Variants in MYO16 observed in about 807,000 individuals in gnomAD.
MYO16 encodes the protein myosin XVI, also known as unconventional myosin-XVI.
MYO16 carries 94 observed loss-of-function variants against 205.3 expected under a neutral mutation model. The observed-to-expected ratio is 0.46, with a 90% CI of 0.39 to 0.54. The LOEUF (loss-of-function observed/expected upper bound fraction) is 0.54. Among genes scored for constraint, MYO16 ranks in the 20% least tolerant of loss-of-function variants. The pLI, the probability that MYO16 is intolerant of heterozygous loss-of-function variation, is 0.00. For missense variants in MYO16, 2,315 were observed against 2,387.5 expected (o/e 0.97, Z 0.63); for synonymous variants, 988 against 954.0 (o/e 1.04, Z -0.66).
intron 20 of MYO16, among the ~76,000 whole-genome samples, chr13:108,991,212 C>A (rs1465610249): frequency 3.9e-5 from 6 of 152,148 alleles, no homozygotes; most frequent in African/African-American, 1.4e-4. Flanking sequence ...TCCCTGCCTT[C>A]CATGTAACCC....
At chr13:109,002,015 C>T (rs1434000976) in intron 21 of MYO16, among the ~76,000 whole-genome samples, 2 of 152,076 alleles carry the variant, frequency 1.3e-5, no homozygotes, top group Non-Finnish European at 2.9e-5. Flanking sequence ...TTAGTTGATG[C>T]ATAGTGCATT....
chr13:108,633,454 G>A (rs1594160529), intron 1 of MYO16, among the ~76,000 whole-genome samples: 1 of 152,332 alleles, frequency 6.6e-6, no homozygotes, highest in Non-Finnish European at 1.5e-5. Context: ...TCCAGCATGA[G>A]AGAAAGATGT....
At chr13:108,961,936 CT>C (rs979369079) in intron 18 of MYO16, among the ~76,000 whole-genome samples, 1 of 152,158 alleles carries the variant, frequency 6.6e-6, no homozygotes, top group African/African-American at 2.4e-5. Flanking sequence ...TCTAAGTACC[CT>C]TCACCCCACT....
chr13:108,988,043 C>G (rs895388578), intron 20 of MYO16, among the ~76,000 whole-genome samples: 1 of 152,120 alleles, frequency 6.6e-6, no homozygotes. Context: ...AGAAAGCTCT[C>G]GGGAGAATTC....
At chr13:108,727,679 G>T in intron 4 of MYO16, 96 bp downstream of exon 4, 9 of 1,418,418 alleles carry the variant, frequency 6.3e-6, no homozygotes, top group East Asian at 2.3e-5. Context: ...TAATATTTTG[G>T]TTGAGAAAAA....
chr13:108,611,292 G>GA (rs555091827), intron 1 of MYO16, among the ~76,000 whole-genome samples: 2 of 151,454 alleles, frequency 1.3e-5, no homozygotes, highest in Non-Finnish European at 3.0e-5. Context: ...AATAAAAAGA[G>GA]AAAAAAAGGA....
intron 27 of MYO16, among the ~76,000 whole-genome samples, chr13:109,061,111 C>CG (rs1887578842): frequency 2.6e-5 from 1 of 38,820 alleles, no homozygotes; most frequent in Non-Finnish European, 6.3e-5. Flanking sequence ...AGTTTCCTCA[C>CG]CTCTCTCAGC....
rs560130145 is a variant in MYO16, at chr13:109,145,092, G to A, written c.5164+3716G>A. On this transcript the variant is annotated intron_variant, in intron 32 of 34. Coordinates refer to ENST00000457511, the MANE Select transcript of MYO16 (RefSeq NM_001198950.3). The stretch of plus-strand genomic sequence containing the variant: ...GATTGTGCAGATGATGGATGTGACT[G>A]CAGTCTGAGAAGAAATATTTGCAGC... 1.4e-4 allele frequency among the ~76,000 whole-genome samples: 21 copies of A among 152,366 alleles called. No homozygotes were observed. In the East Asian group the frequency reaches 4.0e-3, roughly 29 times the overall value.
At chr13:108,611,144 G>A (rs1192107865) in intron 1 of MYO16, among the ~76,000 whole-genome samples, 4 of 152,100 alleles carry the variant, frequency 2.6e-5, no homozygotes, top group Non-Finnish European at 5.9e-5. Context: ...TTGAGTCCAC[G>A]TAATTTAGCT....
upstream of MYO16, among the ~76,000 whole-genome samples, chr13:108,592,549 G>C (rs1469310598): frequency 1.4e-5 from 2 of 144,808 alleles, no homozygotes; most frequent in African/African-American, 5.2e-5. Context: ...AAATGTGGGG[G>C]TGTGGGGTAT....
chr13:108,533,744 C>T, the MYO16 span, among the ~76,000 whole-genome samples: 10 of 152,216 alleles, frequency 6.6e-5, no homozygotes, highest in East Asian at 1.7e-3. Context: ...TAAAGATTTC[C>T]ATTCGGGATG....
At chr13:109,059,468 G>A (rs1278335172) in intron 27 of MYO16, among the ~76,000 whole-genome samples, 1 of 152,162 alleles carries the variant, frequency 6.6e-6, no homozygotes, top group Non-Finnish European at 1.5e-5. Context: ...TTTCTGAGCA[G>A]TAGTTCTCAA....
In MYO16 at chr13:109,160,505, A is replaced by G. The variant is rs548015461; in HGVS notation, c.5165-4396A>G. Among the ~76,000 whole-genome samples the G allele has an allele frequency of 7.4e-4, 113 of 152,272 alleles. 1 individual carries two copies. The highest frequency in any genetic ancestry group is 2.7e-3 in the African/African-American group (111 of 41,558). ...AAATCTTGTTAATAGGCCAAAAGAA[A>G]ACACTGCAGGTGTCCAAACCAACCC... is the stretch of plus-strand genomic sequence containing the variant. On this transcript the variant is annotated intron_variant, in intron 32 of 34. Transcript: ENST00000457511.
At chr13:108,655,681 G>T (rs769786087) in intron 1 of MYO16, among the ~76,000 whole-genome samples, 2 of 152,156 alleles carry the variant, frequency 1.3e-5, no homozygotes, top group Non-Finnish European at 2.9e-5. Context: ...GCCAGGAGCC[G>T]GGGCTATACC....
Position 108,845,480 on chromosome 13 carries a change from C to T in MYO16, c.1248+987C>T, listed in dbSNP as rs542842063. Among the ~76,000 whole-genome samples the T allele has an allele frequency of 2.6e-5, 4 of 151,998 alleles. No homozygotes were observed. The East Asian group carries it at 7.8e-4, about 30-fold the overall frequency. ...TCCTTGCAGGGCGGACAGCAGGAGG[C>T]AGGGAAAATGGGAAGGAGGAAGAGG... On this transcript the variant is annotated intron_variant, in intron 10 of 34. Transcript: ENST00000457511.
the MYO16 span, among the ~76,000 whole-genome samples, chr13:108,527,100 T>C: frequency 2.7e-3 from 409 of 152,350 alleles, 3 homozygotes; most frequent in African/African-American, 9.1e-3. Flanking sequence ...CAACTTTCTA[T>C]GACAAAATGG....
At chr13:108,941,676 CAAA>C (rs576929781) in intron 16 of MYO16, among the ~76,000 whole-genome samples, 3 of 45,034 alleles carry the variant, frequency 6.7e-5, no homozygotes, top group Admixed American at 2.4e-4. Flanking sequence ...GACTCAGTCT[CAAA>C]AAAAAAAAAA....
the MYO16 span, among the ~76,000 whole-genome samples, chr13:108,521,549 AATATAAATGT>A: frequency 6.6e-6 from 1 of 152,210 alleles, no homozygotes; most frequent in African/African-American, 2.4e-5. Flanking sequence ...AATTGCCTGT[AATATAAATGT>A]ATTAGGTGCC....
intron 22 of MYO16, among the ~76,000 whole-genome samples, chr13:109,010,164 G>A (rs1885544345): frequency 6.6e-6 from 1 of 152,176 alleles, no homozygotes; most frequent in Non-Finnish European, 1.5e-5. Flanking sequence ...TGTAGTATTT[G>A]ATGAAGGTGA....
Sources: allele counts gnomAD v4.1 joint callset (sites outside exome capture counted in the v4.1 genomes callset), GRCh38; gene constraint gnomAD v4.1.1; transcripts MANE v1.5; gene names NCBI Gene and HGNC (gene_info 2026-07-23, HGNC 2026-07-21).